Variants in PDCD10 observed in about 807,000 individuals in gnomAD.
The protein encoded by PDCD10 is programmed cell death 10.
In PDCD10, 4 loss-of-function variants were observed where a neutral mutation model predicts 29.2. The observed-to-expected ratio is 0.14, with a 90% CI of 0.07 to 0.31. The LOEUF is 0.31. Among genes scored for constraint, PDCD10 ranks in the 10% least tolerant of loss-of-function variants. PDCD10 has a pLI of 1.00. For synonymous variants in PDCD10, 70 were observed against 82.2 expected (o/e 0.85, Z 0.80); for missense variants, 183 against 257.9 (o/e 0.71, Z 1.99).
At chr3:167,724,532 C>A (rs1219581258) in intron 2 of PDCD10, among the ~76,000 whole-genome samples, 4 of 152,052 alleles carry the variant, frequency 2.6e-5, no homozygotes, top group Non-Finnish European at 5.9e-5. Flanking sequence ...TTCTTCTTCC[C>A]AATAGAGACA....
At chr3:167,705,160 A>G (rs1383592698) in intron 3 of PDCD10, among the ~76,000 whole-genome samples, 1 of 152,192 alleles carries the variant, frequency 6.6e-6, no homozygotes, top group African/African-American at 2.4e-5. Flanking sequence ...TATAATTTCA[A>G]AAGATTAACA....
At chr3:167,724,829 T>C (rs537404848) in intron 2 of PDCD10, among the ~76,000 whole-genome samples, 1 of 152,294 alleles carries the variant, frequency 6.6e-6, no homozygotes, top group South Asian at 2.1e-4. Flanking sequence ...TTAAGACAAA[T>C]TTTTCTTTAA....
At chr3:167,704,705 T>C (rs1721793606) in intron 4 of PDCD10, 137 bp downstream of exon 4, 3 of 659,736 alleles carry the variant, frequency 4.5e-6, no homozygotes, top group Admixed American at 2.2e-5. Context: ...TTTTAAGCTT[T>C]ATGGAATATA....
At chr3:167,723,548 G>A (rs947865609) in intron 2 of PDCD10, among the ~76,000 whole-genome samples, 3 of 152,110 alleles carry the variant, frequency 2.0e-5, no homozygotes, top group African/African-American at 4.8e-5. Context: ...AGCAGAAACC[G>A]AAGTACAAAA....
chr3:167,687,855 C>T (rs909147593), intron 6 of PDCD10, among the ~76,000 whole-genome samples, 162 bp from the exon 7 acceptor site: 1 of 152,166 alleles, frequency 6.6e-6, no homozygotes, highest in African/African-American at 2.4e-5. Context: ...CCAGCCTTTT[C>T]GGCTAGCTGG....
rs1181032800 is a variant in PDCD10 at position 167,725,761 on chromosome 3, GTTTATATATA to G, written c.-116-5498_-116-5489del. Among the ~76,000 whole-genome samples the G allele has an allele frequency of 2.6e-4, 14 of 54,718 alleles. No homozygotes were observed. In the East Asian group the frequency reaches 3.2e-3, roughly 12 times the overall value. 35.9% of individuals were successfully genotyped at this position (54,718 alleles called of 152,430 possible). On this transcript the variant is annotated intron_variant, in intron 2 of 8. Transcript: ENST00000392750. The stretch of plus-strand genomic sequence containing the variant: ...GTATATAGCACTTTACCATTGTATC[GTTTATATATA>G]TATATATATATATATATATATATAT...
chr3:167,716,931 C>A (rs967965083), intron 3 of PDCD10, among the ~76,000 whole-genome samples: 3 of 151,898 alleles, frequency 2.0e-5, no homozygotes, highest in Admixed American at 6.6e-5. Context: ...GAATCAAGAA[C>A]TGAATCACCA....
chr3:167,732,387 A>G (rs1724913298), intron 2 of PDCD10, among the ~76,000 whole-genome samples: 1 of 152,212 alleles, frequency 6.6e-6, no homozygotes, highest in African/African-American at 2.4e-5. Context: ...ATAATGTCCA[A>G]AAGCTGACAT....
intron 8 of PDCD10, 49 bp downstream of exon 8, chr3:167,687,185 C>CACATAATCTATTTA: frequency 1.0e-6 from 1 of 966,016 alleles, no homozygotes; most frequent in Non-Finnish European, 1.7e-6. Context: ...CATATAAAAC[C>CACATAATCTATTTA]ACATAATCTA....
chr3:167,686,554 C>T (rs935642532), intron 8 of PDCD10, among the ~76,000 whole-genome samples: 1 of 152,192 alleles, frequency 6.6e-6, no homozygotes, highest in Non-Finnish European at 1.5e-5. Flanking sequence ...AAAGGATTGA[C>T]AACTATTGCT....
chr3:167,696,349 T>C (rs1204198660), intron 5 of PDCD10, among the ~76,000 whole-genome samples: 1 of 152,148 alleles, frequency 6.6e-6, no homozygotes, highest in African/African-American at 2.4e-5. Flanking sequence ...ACTCTACCAA[T>C]TCATCAATAT....
chr3:167,696,886 C>G (rs556295593), intron 5 of PDCD10, 123 bp downstream of exon 5: 2 of 741,004 alleles, frequency 2.7e-6, no homozygotes, highest in South Asian at 2.8e-5. Context: ...CCATCATCAT[C>G]ATAAGTGAAA....
Position 167,724,512 on chromosome 3 carries a change from A to G in PDCD10, c.-116-4239T>C, listed in dbSNP as rs1479225919. Among the ~76,000 whole-genome samples, 9 of 152,344 alleles carry G rather than the reference A, an allele frequency of 5.9e-5. No individual in the cohort carries two copies. In the South Asian group the frequency reaches 8.3e-4, roughly 14 times the overall value. The stretch of plus-strand genomic sequence containing the variant: ...GAATCCTGTGTTTATGTTCCCATTT[A>G]TAAGTGTGTTTCTTCTTCCCAATAG... On this transcript the variant is annotated intron_variant, in intron 2 of 8. Coordinates refer to ENST00000392750, the MANE Select transcript of PDCD10 (RefSeq NM_007217.4).
chr3:167,699,662 C>G (rs951446434), intron 4 of PDCD10, among the ~76,000 whole-genome samples: 4 of 152,062 alleles, frequency 2.6e-5, no homozygotes, highest in African/African-American at 9.7e-5. Context: ...AAAAAATAAA[C>G]CGAAGGGCAG....
intron 3 of PDCD10, among the ~76,000 whole-genome samples, chr3:167,709,685 G>A (rs374890191): frequency 1.3e-5 from 2 of 152,098 alleles, no homozygotes; most frequent in Admixed American, 1.3e-4. Context: ...TCCTGGACAC[G>A]TCTTAGTGTT....
chr3:167,723,293 A>G (rs1723767826), intron 2 of PDCD10, among the ~76,000 whole-genome samples: 1 of 152,244 alleles, frequency 6.6e-6, no homozygotes, highest in South Asian at 2.1e-4. Flanking sequence ...TGCTATGGAA[A>G]CAGCAAGGGT....
rs1470111735 is a variant in PDCD10 at position 167,734,367 on chromosome 3, C to T, written c.-253-17G>A. 6.6e-6 allele frequency: 1 copy of T among 152,572 alleles called. No homozygotes were observed. The highest frequency in any genetic ancestry group is 1.5e-5 in the Non-Finnish European group (1 of 68,308). The allele number at this position is 152,572 out of a possible 1,614,324, so 9.5% of individuals were successfully genotyped here. ...TCCTCTTCCCTCAAAGGGCATAACC[C>T]GAGTCACCCCCAAGAGCCGACTCCC... On this transcript the variant is annotated splice_polypyrimidine_tract_variant and intron_variant, in intron 1 of 8. Coordinates refer to ENST00000392750, the MANE Select transcript of PDCD10 (RefSeq NM_007217.4).
intron 2 of PDCD10, among the ~76,000 whole-genome samples, chr3:167,725,763 T>TTATATATATATATATA (rs67647566): frequency 1.3e-5 from 1 of 77,152 alleles, no homozygotes; most frequent in Non-Finnish European, 2.7e-5. Flanking sequence ...ATTGTATCGT[T>TTATATATATATATATA]TATATATATA....
At chr3:167,700,082 T>C (rs539263442) in intron 4 of PDCD10, among the ~76,000 whole-genome samples, 20 of 152,228 alleles carry the variant, frequency 1.3e-4, no homozygotes, top group African/African-American at 4.6e-4. Context: ...AAAAGAAATA[T>C]AAACAAATAT....
Sources: gnomAD v4.1 joint callset for allele counts (sites outside exome capture counted in the v4.1 genomes callset) on GRCh38, gnomAD v4.1.1 for gene constraint, MANE v1.5 for transcripts, NCBI Gene and HGNC (gene_info 2026-07-23, HGNC 2026-07-21) for gene names.